ARID5B: variants seen among roughly 807,000 people sequenced by gnomAD.
The protein encoded by ARID5B is AT-rich interaction domain 5B.
ARID5B carries 13 observed loss-of-function variants against 97.2 expected under a neutral mutation model. That is an observed-to-expected ratio of 0.13 (90% CI 0.09 to 0.21). The LOEUF (loss-of-function observed/expected upper bound fraction) is 0.21. ARID5B is among the 10% of genes least tolerant of loss of function. ARID5B has a pLI of 1.00. For synonymous variants in ARID5B, 556 were observed against 570.3 expected, an observed-to-expected ratio of 0.97 and a Z score of 0.36; for missense variants, 1,210 against 1,465.3, an observed-to-expected ratio of 0.83 and a Z score of 2.84.
chr10:61,950,503 G>A (rs1245923107), intron 3 of ARID5B, among the ~76,000 whole-genome samples: 1 of 152,062 alleles, frequency 6.6e-6, no homozygotes, highest in African/African-American at 2.4e-5. Context: ...ACCTGTCTCT[G>A]CAAAAAAATT....
intron 3 of ARID5B, among the ~76,000 whole-genome samples, chr10:61,956,546 A>C (rs1838394012): frequency 6.6e-6 from 1 of 152,088 alleles, no homozygotes; most frequent in Non-Finnish European, 1.5e-5. Flanking sequence ...AAATATTTTC[A>C]TTTCAGTTTC....
chr10:62,067,655 T>G (rs1840011784), intron 7 of ARID5B, among the ~76,000 whole-genome samples: 1 of 152,250 alleles, frequency 6.6e-6, no homozygotes, highest in African/African-American at 2.4e-5. Flanking sequence ...CAGGTCATTC[T>G]GATGTGGAAG....
At chr10:61,967,203 C>T (rs1035371627) in intron 3 of ARID5B, among the ~76,000 whole-genome samples, 1 of 152,186 alleles carries the variant, frequency 6.6e-6, no homozygotes, top group Non-Finnish European at 1.5e-5. Flanking sequence ...TAACTTTACT[C>T]AAGCAGCTGA....
chr10:62,083,334 G>T (rs1459849504), intron 8 of ARID5B, among the ~76,000 whole-genome samples: 1 of 136,680 alleles, frequency 7.3e-6, no homozygotes, highest in East Asian at 2.1e-4. Context: ...AAAAGGAACC[G>T]AAATGAGAAT....
chr10:61,918,169 G>T (rs182293921), intron 2 of ARID5B, among the ~76,000 whole-genome samples: 1 of 152,336 alleles, frequency 6.6e-6, no homozygotes, highest in East Asian at 1.9e-4. Context: ...TCTGAAGGCG[G>T]TGCTGCTGAA....
Position 62,095,389 on chromosome 10 carries a change from G to A in ARID5B, c.*2359G>A, listed in dbSNP as rs1226920257. The A allele has an allele frequency of 4.3e-6, 1 of 233,444 alleles. No homozygotes were observed. The highest frequency in any genetic ancestry group is 8.5e-6 in the Non-Finnish European group (1 of 117,974). The allele number at this position is 233,444 out of a possible 1,614,324, so 14.5% of individuals were successfully genotyped here. Reference sequence around the variant, plus strand: ...CGTGTCTCAAAAAAAAAAGGAGGGGGGGCATCTGTCCCCGGTGGAGCTCAC... The same window carrying A: ...CGTGTCTCAAAAAAAAAAGGAGGGGAGGCATCTGTCCCCGGTGGAGCTCAC... On this transcript the variant is annotated 3_prime_UTR_variant, in exon 10 of 10. Coordinates refer to ENST00000279873, the MANE Select transcript of ARID5B (RefSeq NM_032199.3).
intron 3 of ARID5B, among the ~76,000 whole-genome samples, chr10:61,945,803 G>A (rs1647475998): frequency 6.6e-6 from 1 of 151,968 alleles, no homozygotes; most frequent in African/African-American, 2.4e-5. Context: ...GGTTCTGTAT[G>A]ATAGGGAGCC....
intron 5 of ARID5B, among the ~76,000 whole-genome samples, chr10:62,055,291 A>G (rs1839840612): frequency 6.6e-6 from 1 of 152,164 alleles, no homozygotes; most frequent in South Asian, 2.1e-4. Context: ...CAGATTCCCC[A>G]CTTACTAACT....
At chr10:62,013,869 G>C (rs1589258330) in intron 4 of ARID5B, among the ~76,000 whole-genome samples, 1 of 149,606 alleles carries the variant, frequency 6.7e-6, no homozygotes, top group Non-Finnish European at 1.5e-5. Context: ...TATTTATGGG[G>C]GTTCATATGA....
chr10:61,902,990 T>A (rs1211063063), intron 2 of ARID5B, among the ~76,000 whole-genome samples: 1 of 152,148 alleles, frequency 6.6e-6, no homozygotes, highest in Non-Finnish European at 1.5e-5. Flanking sequence ...TACATTCAAA[T>A]AACTTGCAGA....
chr10:61,985,221 G>A (rs1838830723), intron 3 of ARID5B, among the ~76,000 whole-genome samples: 1 of 151,444 alleles, frequency 6.6e-6, no homozygotes, highest in African/African-American at 2.4e-5. Context: ...TATTAGGTTG[G>A]TGCAAAAGTA....
chr10:61,946,643 C>T (rs2132805592), intron 3 of ARID5B, among the ~76,000 whole-genome samples: 1 of 152,258 alleles, frequency 6.6e-6, no homozygotes, highest in Non-Finnish European at 1.5e-5. Flanking sequence ...CGAATTTGGG[C>T]CAGGCGCAGT....
At chr10:62,067,513 T>C (rs1249600732) in intron 7 of ARID5B, among the ~76,000 whole-genome samples, 7 of 152,332 alleles carry the variant, frequency 4.6e-5, no homozygotes, top group South Asian at 2.1e-4. Flanking sequence ...GATTTCCCCA[T>C]TGGGAAAGAC....
chr10:62,061,524 C>T (rs1013680203), intron 7 of ARID5B, among the ~76,000 whole-genome samples: 7 of 152,190 alleles, frequency 4.6e-5, no homozygotes, highest in Admixed American at 1.3e-4. Context: ...CCGATGCTAG[C>T]TCCCTGATGT....
chr10:61,903,177 G>A (rs1370672896), intron 2 of ARID5B, among the ~76,000 whole-genome samples: 1 of 152,168 alleles, frequency 6.6e-6, no homozygotes, highest in African/African-American at 2.4e-5. Context: ...GTGGGACGGG[G>A]GCGGGGGAGG....
At chr10:62,031,211 A>G (rs1406839694) in intron 4 of ARID5B, among the ~76,000 whole-genome samples, 2 of 152,192 alleles carry the variant, frequency 1.3e-5, no homozygotes, top group Non-Finnish European at 2.9e-5. Context: ...TCCAGCCTGC[A>G]TGACAGAGCG....
At chr10:61,945,263 TTTTTTG>T (rs1844481569) in intron 3 of ARID5B, among the ~76,000 whole-genome samples, 1 of 152,222 alleles carries the variant, frequency 6.6e-6, no homozygotes, top group African/African-American at 2.4e-5. Flanking sequence ...TGTGTATATA[TTTTTTG>T]TTTTTTATTT....
At chr10:62,086,040 TC>T in intron 9 of ARID5B, 140 bp downstream of exon 9, 1 of 886,218 alleles carries the variant, frequency 1.1e-6, no homozygotes. Context: ...GCTTCACAGT[TC>T]CCCACATAGT....
intron 8 of ARID5B, 117 bp from the exon 9 acceptor site, chr10:62,085,585 C>T (rs1046094322): frequency 3.6e-6 from 3 of 843,988 alleles, no homozygotes; most frequent in Non-Finnish European, 5.7e-6. Flanking sequence ...AGCACTGTCA[C>T]TGGAGATGAA....
Sources: gnomAD v4.1 joint callset for allele counts (sites outside exome capture counted in the v4.1 genomes callset) on GRCh38, gnomAD v4.1.1 for gene constraint, MANE v1.5 for transcripts, NCBI Gene and HGNC (gene_info 2026-07-23, HGNC 2026-07-21) for gene names.